SPATS2: variants seen among roughly 807,000 people sequenced by gnomAD.
SPATS2 encodes the protein spermatogenesis associated serine rich 2.
SPATS2 carries 38 observed loss-of-function variants against 63.7 expected under a neutral mutation model. That is an observed-to-expected ratio of 0.60 (90% CI 0.46 to 0.78). The LOEUF (loss-of-function observed/expected upper bound fraction) is 0.78. Among genes scored for constraint, SPATS2 ranks in the 30% least tolerant of loss-of-function variants. The pLI is 0.00. For missense variants in SPATS2, 588 were observed against 666.2 expected, an observed-to-expected ratio of 0.88 and a Z score of 1.29; for synonymous variants, 207 against 232.9, an observed-to-expected ratio of 0.89 and a Z score of 1.01.
In SPATS2 at chr12:49,496,365, A is replaced by G. The variant is rs888707925; in HGVS notation, c.527-468A>G. Among the ~76,000 whole-genome samples the G allele has an allele frequency of 3.3e-5, 5 of 152,228 alleles. No individual in the cohort carries two copies. In the East Asian group the frequency reaches 9.6e-4, roughly 29 times the overall value. On this transcript the variant is annotated intron_variant, in intron 7 of 13. Coordinates refer to ENST00000552918, the MANE Select transcript of SPATS2 (RefSeq NM_023071.4). ...TGTGCTCAAGTGATCCTTCTGCCTCAGCTTCCTGAATACCTGGGATTACTG... is the reference window on the plus strand; with the variant it reads ...TGTGCTCAAGTGATCCTTCTGCCTCGGCTTCCTGAATACCTGGGATTACTG...
chr12:49,410,085 G>C (rs1171721421), intron 2 of SPATS2, among the ~76,000 whole-genome samples: 1 of 151,116 alleles, frequency 6.6e-6, no homozygotes, highest in Non-Finnish European at 1.5e-5. Context: ...TTTTGTTGTT[G>C]TTGTTTTTGA....
intron 2 of SPATS2, among the ~76,000 whole-genome samples, chr12:49,415,178 C>A (rs1006587359): frequency 6.6e-6 from 1 of 151,938 alleles, no homozygotes; most frequent in African/African-American, 2.4e-5. Context: ...GATCTGCCCC[C>A]CTCAGCCTCC....
chr12:49,451,483 C>A (rs1945622558), intron 2 of SPATS2, among the ~76,000 whole-genome samples: 1 of 152,014 alleles, frequency 6.6e-6, no homozygotes, highest in East Asian at 1.9e-4. Context: ...TGTTATTAAT[C>A]TTGTATTACA....
chr12:49,429,247 T>C (rs537863483), intron 2 of SPATS2, among the ~76,000 whole-genome samples: 39 of 152,288 alleles, frequency 2.6e-4, no homozygotes, highest in Non-Finnish European at 5.1e-4. Context: ...TGTTCCAATT[T>C]GAGGTTTCTT....
At chr12:49,417,645 CTTT>C (rs1416164800) in intron 2 of SPATS2, among the ~76,000 whole-genome samples, 1 of 152,070 alleles carries the variant, frequency 6.6e-6, no homozygotes, top group Non-Finnish European at 1.5e-5. Flanking sequence ...TTTGCTGTTT[CTTT>C]ATCTTTCTGG....
At chr12:49,380,678 C>T (rs1310160106) in intron 2 of SPATS2, among the ~76,000 whole-genome samples, 2 of 151,652 alleles carry the variant, frequency 1.3e-5, no homozygotes, top group African/African-American at 4.8e-5. Flanking sequence ...TGCCCTCCAG[C>T]CTGGGAGACA....
intron 6 of SPATS2, among the ~76,000 whole-genome samples, chr12:49,494,090 A>T (rs552835301): frequency 6.6e-6 from 1 of 152,222 alleles, no homozygotes; most frequent in Non-Finnish European, 1.5e-5. Flanking sequence ...TCTCATCTTG[A>T]ATAAATTCCT....
chr12:49,400,179 G>C (rs1346242900), intron 2 of SPATS2, among the ~76,000 whole-genome samples: 1 of 152,132 alleles, frequency 6.6e-6, no homozygotes, highest in African/African-American at 2.4e-5. Flanking sequence ...TGGTATACTA[G>C]ATGTTGCAGA....
At chr12:49,435,758 T>A (rs1433427386) in intron 2 of SPATS2, among the ~76,000 whole-genome samples, 1 of 148,364 alleles carries the variant, frequency 6.7e-6, no homozygotes, top group Admixed American at 6.9e-5. Flanking sequence ...TGAACAAAGG[T>A]CTCTGGTTTT....
At chr12:49,397,125 C>T (rs1461255650) in intron 2 of SPATS2, among the ~76,000 whole-genome samples, 1 of 152,174 alleles carries the variant, frequency 6.6e-6, no homozygotes, top group African/African-American at 2.4e-5. Context: ...TTCTTCACTG[C>T]CACCACCTCT....
intron 2 of SPATS2, among the ~76,000 whole-genome samples, chr12:49,382,444 G>A (rs144550481): frequency 5.3e-5 from 8 of 152,210 alleles, no homozygotes; most frequent in East Asian, 3.9e-4. Context: ...TTTTTATACC[G>A]TATGAAGTGC....
chr12:49,432,257 G>A (rs928589077), intron 2 of SPATS2, among the ~76,000 whole-genome samples: 2 of 152,066 alleles, frequency 1.3e-5, no homozygotes, highest in Admixed American at 6.6e-5. Context: ...GTGGATCATG[G>A]GTTCAGGAGT....
chr12:49,394,079 GGC>G (rs1419758967), intron 2 of SPATS2, among the ~76,000 whole-genome samples: 1 of 152,018 alleles, frequency 6.6e-6, no homozygotes, highest in Non-Finnish European at 1.5e-5. Context: ...TGGGAGTGGT[GGC>G]CCACACCTGT....
intron 9 of SPATS2, among the ~76,000 whole-genome samples, chr12:49,504,910 G>C (rs1946631741): frequency 6.6e-6 from 1 of 151,516 alleles, no homozygotes. Flanking sequence ...CTACAAGGCG[G>C]GTGCAACCAT....
intron 2 of SPATS2, among the ~76,000 whole-genome samples, chr12:49,452,090 CTT>C (rs1277504711): frequency 6.6e-6 from 1 of 152,096 alleles, no homozygotes; most frequent in Non-Finnish European, 1.5e-5. Context: ...ATGTGGATCT[CTT>C]TGTGTGTATT....
At chr12:49,521,622 ATC>A (rs764269826) in intron 11 of SPATS2, among the ~76,000 whole-genome samples, 3 of 151,938 alleles carry the variant, frequency 2.0e-5, no homozygotes, top group Non-Finnish European at 4.4e-5. Flanking sequence ...CTGACTAAGG[ATC>A]TGTTTCTCTC....
chr12:49,459,165 A>C lies in SPATS2; in HGVS notation c.-243-1605A>C, dbSNP rs146214461. Among the ~76,000 whole-genome samples the C allele has an allele frequency of 2.0e-5, 3 of 152,188 alleles. No homozygotes were observed. In the East Asian group the frequency reaches 5.8e-4, roughly 29 times the overall value. ...AGAAGGAGATGGGGTATAACCTTAT[A>C]AGGGGGATAATAAAACTTCGGCAAT... is the stretch of plus-strand genomic sequence containing the variant. On this transcript the variant is annotated intron_variant, in intron 2 of 13. Transcript: ENST00000552918.
intron 2 of SPATS2, among the ~76,000 whole-genome samples, chr12:49,423,025 A>G (rs1945010071): frequency 6.6e-6 from 1 of 151,920 alleles, no homozygotes; most frequent in South Asian, 2.1e-4. Flanking sequence ...AATAAGTATT[A>G]CCTTTCTCTG....
intron 9 of SPATS2, among the ~76,000 whole-genome samples, chr12:49,502,884 A>T (rs978499922): frequency 8.5e-5 from 13 of 152,130 alleles, no homozygotes; most frequent in African/African-American, 3.1e-4. Flanking sequence ...ATGTTCTCCT[A>T]TTCCTCTGTA....
Sources: allele counts gnomAD v4.1 joint callset (sites outside exome capture counted in the v4.1 genomes callset), GRCh38; gene constraint gnomAD v4.1.1; transcripts MANE v1.5; gene names NCBI Gene and HGNC (gene_info 2026-07-23, HGNC 2026-07-21).